CEP112: variants seen among roughly 807,000 people sequenced by gnomAD.
CEP112 encodes the protein centrosomal protein 112, also known as centrosomal protein of 112 kDa.
In CEP112, 127 loss-of-function variants were observed where a neutral mutation model predicts 153.0. The observed-to-expected ratio is 0.83, with a 90% CI of 0.72 to 0.96. The LOEUF is 0.96. Ranked by LOEUF, CEP112 falls within the 40% of genes least tolerant of loss-of-function variation. CEP112 has a pLI of 0.00. For missense variants in CEP112, 1,089 were observed against 1,101.2 expected, an observed-to-expected ratio of 0.99 and a Z score of 0.16; for synonymous variants, 358 against 374.4, an observed-to-expected ratio of 0.96 and a Z score of 0.51.
intron 21 of CEP112, among the ~76,000 whole-genome samples, chr17:65,848,184 G>C (rs2057796017): frequency 6.6e-6 from 1 of 152,238 alleles, no homozygotes; most frequent in Admixed American, 6.5e-5. Flanking sequence ...CTGCTCTTTG[G>C]AACTACATCT....
intron 23 of CEP112, among the ~76,000 whole-genome samples, chr17:65,712,204 G>C (rs112012470): frequency 6.6e-6 from 1 of 152,172 alleles, no homozygotes; most frequent in African/African-American, 2.4e-5. Flanking sequence ...AATGCCCACT[G>C]TGCTCAACAA....
intron 20 of CEP112, among the ~76,000 whole-genome samples, chr17:65,864,632 T>C (rs2058421716): frequency 6.6e-6 from 1 of 152,192 alleles, no homozygotes; most frequent in African/African-American, 2.4e-5. Context: ...AGAATTCAAA[T>C]GTACTTGTGC....
intron 11 of CEP112, among the ~76,000 whole-genome samples, chr17:66,057,719 TCA>T (rs763138220): frequency 6.6e-6 from 1 of 151,412 alleles, no homozygotes; most frequent in African/African-American, 2.4e-5. Context: ...CTGCTTGTAC[TCA>T]GTTTTCATCT....
chr17:66,119,706 G>A (rs1457883989), intron 6 of CEP112, among the ~76,000 whole-genome samples: 1 of 152,164 alleles, frequency 6.6e-6, no homozygotes, highest in Non-Finnish European at 1.5e-5. Context: ...AAAAATACTT[G>A]CATATAAAGT....
intron 19 of CEP112, among the ~76,000 whole-genome samples, chr17:65,911,738 T>C (rs988182339): frequency 1.3e-5 from 2 of 152,188 alleles, no homozygotes; most frequent in Non-Finnish European, 2.9e-5. Flanking sequence ...ATTTCACATA[T>C]AATTTAATAT....
At chr17:65,943,866 T>C (rs536559016) in intron 18 of CEP112, among the ~76,000 whole-genome samples, 54 of 152,214 alleles carry the variant, frequency 3.5e-4, no homozygotes, top group Non-Finnish European at 6.5e-4. Flanking sequence ...ATAGGTTTGG[T>C]CTTTTTACAT....
Position 65,756,405 on chromosome 17 carries a change from CAAAAAAAAAA to C in CEP112, c.2395-5691_2395-5682del, listed in dbSNP as rs766476895. On this transcript the variant is annotated intron_variant, in intron 21 of 26. Coordinates refer to ENST00000535342, the MANE Select transcript of CEP112 (RefSeq NM_001199165.4). ...TGTGTGATGCAGCAAGACTCCGTCT[CAAAAAAAAAA>C]AAAAAAAAAAAAAAAAAAGAAATCA... 2.6e-4 allele frequency among the ~76,000 whole-genome samples: 8 copies of C among 30,518 alleles called. No individual in the cohort carries two copies. The South Asian group carries it at 6.8e-3, about 26-fold the overall frequency. 20.0% of individuals were successfully genotyped at this position (30,518 alleles called of 152,430 possible).
At chr17:66,079,641 A>C (rs2067640828) in intron 8 of CEP112, among the ~76,000 whole-genome samples, 1 of 152,140 alleles carries the variant, frequency 6.6e-6, no homozygotes, top group Non-Finnish European at 1.5e-5. Flanking sequence ...TTTTTTTCAC[A>C]GAATTAGAAA....
At chr17:66,044,624 T>C (rs1164482503) in intron 12 of CEP112, among the ~76,000 whole-genome samples, 4 of 152,166 alleles carry the variant, frequency 2.6e-5, no homozygotes, top group African/African-American at 7.2e-5. Flanking sequence ...GAAGGACAAA[T>C]ACTGCATAAT....
At position 66,096,239 on chromosome 17, in the gene CEP112, T is replaced by C. The variant is rs764299419; in HGVS notation, c.768+12A>G. Reference sequence around the variant, plus strand: ...ATTATCAATGGGTTTATCAGCAATATCTCATTCCTACCTCTTTCTCACGTA... The same window carrying C: ...ATTATCAATGGGTTTATCAGCAATACCTCATTCCTACCTCTTTCTCACGTA... On this transcript the variant is annotated intron_variant, in intron 8 of 26. Coordinates refer to ENST00000535342, the MANE Select transcript of CEP112 (RefSeq NM_001199165.4). The C allele has an allele frequency of 1.9e-6, 3 of 1,583,222 alleles. No individual in the cohort carries two copies. In the African/African-American group the frequency reaches 4.0e-5, roughly 21 times the overall value.
chr17:66,067,559 C>T (rs1377823351), intron 9 of CEP112, among the ~76,000 whole-genome samples: 1 of 152,018 alleles, frequency 6.6e-6, no homozygotes, highest in Non-Finnish European at 1.5e-5. Context: ...AAGAACCAAT[C>T]ATATAACTTT....
In CEP112 at chr17:65,635,924, T is replaced by A; in HGVS notation, c.*47A>T. 3.2e-6 allele frequency: 5 copies of A among 1,585,924 alleles called. No individual in the cohort carries two copies. The highest frequency in any genetic ancestry group is 4.3e-6 in the Non-Finnish European group (5 of 1,163,032). On this transcript the variant is annotated 3_prime_UTR_variant, in exon 27 of 27. Coordinates refer to ENST00000535342, the MANE Select transcript of CEP112 (RefSeq NM_001199165.4). ...AAATCTTCAAACCTGCTGGAAGAAG[T>A]CCACAGCACAGCCTGGAAATTGCAT...
At chr17:66,029,286 T>C in intron 13 of CEP112, 34 bp from the exon 14 acceptor site, 2 of 1,574,784 alleles carry the variant, frequency 1.3e-6, no homozygotes, top group East Asian at 2.3e-5. Context: ...ACTTTCAATG[T>C]ATTTAAAACC....
At chr17:65,767,703 TG>T (rs1376411701) in intron 21 of CEP112, among the ~76,000 whole-genome samples, 1 of 152,038 alleles carries the variant, frequency 6.6e-6, no homozygotes, top group East Asian at 1.9e-4. Context: ...TTACAAAAGA[TG>T]TTCTCAGAAA....
At chr17:65,724,580 A>G (rs1407483791) in intron 23 of CEP112, among the ~76,000 whole-genome samples, 1 of 152,212 alleles carries the variant, frequency 6.6e-6, no homozygotes, top group Non-Finnish European at 1.5e-5. Context: ...TGGAAAATAT[A>G]CTTATATATG....
chr17:65,834,850 A>G (rs2146155186), intron 21 of CEP112, among the ~76,000 whole-genome samples: 1 of 152,310 alleles, frequency 6.6e-6, no homozygotes, highest in South Asian at 2.1e-4. Context: ...TACCAGGTGT[A>G]TACCCAAAGG....
chr17:65,945,102 C>T (rs1241401756), intron 18 of CEP112, among the ~76,000 whole-genome samples: 2 of 152,066 alleles, frequency 1.3e-5, no homozygotes, highest in African/African-American at 4.8e-5. Context: ...TTGTTTGGTT[C>T]TGTTTCTAAC....
intron 12 of CEP112, among the ~76,000 whole-genome samples, chr17:66,034,985 TATATATAC>T (rs200346828): frequency 3.6e-4 from 38 of 104,892 alleles, no homozygotes; most frequent in Admixed American, 5.2e-4. Context: ...TGTATATATA[TATATATAC>T]ATATATATAT....
At chr17:65,748,346 A>G (rs2051601449) in intron 22 of CEP112, among the ~76,000 whole-genome samples, 2 of 152,184 alleles carry the variant, frequency 1.3e-5, no homozygotes, top group Non-Finnish European at 2.9e-5. Flanking sequence ...AGTTGTTACT[A>G]GTTGCTTTTT....
Sources: gnomAD v4.1 joint callset for allele counts (sites outside exome capture counted in the v4.1 genomes callset) on GRCh38, gnomAD v4.1.1 for gene constraint, MANE v1.5 for transcripts, NCBI Gene and HGNC (gene_info 2026-07-23, HGNC 2026-07-21) for gene names.